The following PROC variants were observed in gnomAD, a reference collection of about 807,000 sequenced individuals.
PROC encodes protein C, inactivator of coagulation factors Va and VIIIa, also known as vitamin K-dependent protein C.
PROC carries 22 observed loss-of-function variants against 36.3 expected under a neutral mutation model. The ratio of observed to expected loss-of-function variants is 0.61; its 90% CI spans 0.43 to 0.86. The LOEUF is 0.86. PROC is among the 40% of genes least tolerant of loss of function. The pLI is 0.00. For missense variants in PROC, 526 were observed against 629.7 expected (o/e 0.84, Z 1.76); for synonymous variants, 218 against 244.5 (o/e 0.89, Z 1.01).
At position 127,427,234 on chromosome 2, in the gene PROC, A is replaced by T. The variant is rs1321946622; in HGVS notation, c.796+12A>T. 10 of 1,609,098 alleles carry T rather than the reference A, an allele frequency of 6.2e-6. No individual in the cohort carries two copies. The highest frequency in any genetic ancestry group is 8.5e-6 in the Non-Finnish European group (10 of 1,177,434). ...CCTTGTCAGGCTTGGTATGGGCTGGAGCCAGGCAGAAGGGGGCTGCCAGAG... is the reference window on the plus strand; with the variant it reads ...CCTTGTCAGGCTTGGTATGGGCTGGTGCCAGGCAGAAGGGGGCTGCCAGAG... On this transcript the variant is annotated intron_variant, in intron 8 of 8. Transcript: ENST00000234071.
At position 127,420,039 on chromosome 2, in the gene PROC, G is replaced by A. The variant is rs781692275; in HGVS notation, c.70+27G>A. The A allele has an allele frequency of 1.6e-5, 26 of 1,611,440 alleles. No individual in the cohort carries two copies. The South Asian group carries it at 2.3e-4, about 14-fold the overall frequency. ...TAAGGCCACCCCACCCCTACCCCGGGACCCTTGTGGCCTCTACAAGGCCCT... is the reference window on the plus strand; with the variant it reads ...TAAGGCCACCCCACCCCTACCCCGGAACCCTTGTGGCCTCTACAAGGCCCT... On this transcript the variant is annotated intron_variant, in intron 2 of 8. Transcript: ENST00000234071.
chr2:127,424,122 G>T (rs1029428829), intron 6 of PROC, among the ~76,000 whole-genome samples: 2 of 151,862 alleles, frequency 1.3e-5, no homozygotes, highest in African/African-American at 4.8e-5. Flanking sequence ...CCATTATTCA[G>T]ACCTCTTTCC....
In PROC at chr2:127,418,927, A is replaced by ATC. The variant is rs1274092993; in HGVS notation, c.-22+439_-22+440dup. 6.6e-6 allele frequency among the ~76,000 whole-genome samples: 1 copy of ATC among 152,274 alleles called. No homozygotes were observed. Among genetic ancestry groups the ATC allele is most frequent in the African/African-American group, 2.4e-5 (1 of 41,552 alleles). ...TCCTTGATCTCTGGCCACCAGGGCT[A>ATC]TCTCTGTGGCCTTTTGGAGCACCTG... On this transcript the variant is annotated intron_variant, in intron 1 of 8. Transcript: ENST00000234071. The surrounding 1 kb of genome is among the most constrained non-coding windows in gnomAD (Gnocchi z 4.8).
At chr2:127,423,437 A>T in intron 6 of PROC, 29 bp downstream of exon 6, 4 of 1,543,968 alleles carry the variant, frequency 2.6e-6, no homozygotes, top group Non-Finnish European at 3.5e-6. Context: ...ATCGCCCAGG[A>T]ATCACGCTGG....
chr2:127,422,974 CG>C (rs756816339), intron 4 of PROC, 33 bp downstream of exon 4: 1 of 1,611,246 alleles, frequency 6.2e-7, no homozygotes, highest in Non-Finnish European at 8.5e-7. Context: ...GCTGGACTAC[CG>C]GCGCCCGCGC....
intron 8 of PROC, 21 bp from the exon 9 acceptor site, chr2:127,428,336 A>C: frequency 6.2e-7 from 1 of 1,611,760 alleles, no homozygotes; most frequent in Non-Finnish European, 8.5e-7. Context: ...GCCCACTCTG[A>C]CTGTGCCCTC....
chr2:127,428,437 A>C lies in PROC; in HGVS notation c.877A>C (p.Lys293Gln). Residue 293 changes from lysine to glutamine, a missense_variant, in exon 9 of 9, where the codon AAG becomes CAG. Coordinates refer to ENST00000234071, the MANE Select transcript of PROC (RefSeq NM_000312.4). ...GGTCTTCGTCCACCCCAACTACAGCAAGAGCACCACCGACAATGACATCGC... is the reference window on the plus strand; with the variant it reads ...GGTCTTCGTCCACCCCAACTACAGCCAGAGCACCACCGACAATGACATCGC... Reference protein sequence around the residue: ...KEVFVHPNYSKSTTDNDIALL... With the variant: ...KEVFVHPNYSQSTTDNDIALL... 6.2e-7 allele frequency: 1 copy of C among 1,614,148 alleles called. No homozygotes were observed. Among genetic ancestry groups the C allele is most frequent in the Admixed American group, 1.7e-5 (1 of 60,030 alleles).
chr2:127,419,949 C>T lies in PROC; in HGVS notation c.7C>T (p.Gln3Ter). ...AGGTGCCAGTGCCTCCAGAATGTGG[C>T]AGCTCACAAGCCTCCTGCTGTTCGT... is the stretch of plus-strand genomic sequence containing the variant. MW[Q>*]LTSLLLFVAT... The change falls in exon 2 of 9, where the codon CAG becomes TAG. Residue 3 changes from glutamine to a stop codon, truncating the protein, a stop_gained. Transcript: ENST00000234071. LOFTEE classifies it high-confidence loss of function. 6.2e-7 allele frequency: 1 copy of T among 1,613,968 alleles called. No homozygotes were observed. The highest frequency in any genetic ancestry group is 8.5e-7 in the Non-Finnish European group (1 of 1,180,020).
rs780833999 is a variant in PROC at position 127,428,691 on chromosome 2, G to A, written c.1131G>A (p.Met377Ile). 2 of 1,613,886 alleles carry A rather than the reference G, an allele frequency of 1.2e-6. No homozygotes were observed. Among genetic ancestry groups the A allele is most frequent in the Admixed American group, 1.7e-5 (1 of 60,030 alleles). Residue 377 changes from methionine to isoleucine, a missense_variant, in exon 9 of 9, where the codon ATG becomes ATA. Met to Ile is a conservative substitution (Grantham distance 10). Coordinates refer to ENST00000234071, the MANE Select transcript of PROC (RefSeq NM_000312.4). The stretch of plus-strand genomic sequence containing the variant: ...CGCACAATGAGTGCAGCGAGGTCAT[G>A]AGCAACATGGTGTCTGAGAACATGC... ...VVPHNECSEV[M>I]SNMVSENMLC...
intron 2 of PROC, among the ~76,000 whole-genome samples, chr2:127,420,826 A>C (rs764440595): frequency 2.0e-5 from 3 of 152,182 alleles, no homozygotes; most frequent in Non-Finnish European, 4.4e-5. Context: ...GGATGTGTCA[A>C]GATGGGGCTG....
chr2:127,426,177 C>T lies in PROC; in HGVS notation c.628C>T (p.Pro210Ser), dbSNP rs1375064739. Residue 210 changes from proline to serine, a missense_variant, in exon 7 of 9, where the codon CCG becomes TCG. Coordinates refer to ENST00000234071, the MANE Select transcript of PROC (RefSeq NM_000312.4). This position sits in a 1 kb window ranked among gnomAD's most constrained non-coding sequence, Gnocchi z 7.0. ...DTEDQEDQVD[P>S]RLIDGKMTRR... ...AGAAGACCAAGAAGACCAAGTAGAT[C>T]CGCGGCTCATTGATGGGAAGATGAC... The T allele has an allele frequency of 6.2e-7, 1 of 1,614,092 alleles. No individual in the cohort carries two copies. The highest frequency in any genetic ancestry group is 1.3e-5 in the African/African-American group (1 of 75,026).
chr2:127,427,966 G>A (rs1180703084), intron 8 of PROC, among the ~76,000 whole-genome samples: 2 of 152,124 alleles, frequency 1.3e-5, no homozygotes, highest in African/African-American at 4.8e-5. Flanking sequence ...CACTGCCCCT[G>A]GGGTCTCTCC....
At chr2:127,421,577 G>C (rs946821229) in intron 3 of PROC, 128 bp downstream of exon 3, 5 of 1,073,510 alleles carry the variant, frequency 4.7e-6, no homozygotes, top group South Asian at 1.3e-5. Context: ...TGAGTGGAGC[G>C]ATTAGGATGC....
chr2:127,423,486 G>T lies in PROC; in HGVS notation c.535+78G>T, dbSNP rs367775086. ...AGGCCCCCTGACGGGGCGCGGCGCG[G>T]GGGGCTCAGGAGGGTTTCTAGGGAG... On this transcript the variant is annotated intron_variant, in intron 6 of 8. Coordinates refer to ENST00000234071, the MANE Select transcript of PROC (RefSeq NM_000312.4). The T allele has an allele frequency of 2.6e-6, 4 of 1,512,692 alleles. No individual in the cohort carries two copies. The Admixed American group carries it at 6.1e-5, about 23-fold the overall frequency. The allele number at this position is 1,512,692 out of a possible 1,614,324, so 93.7% of individuals were successfully genotyped here.
At chr2:127,427,775 A>G (rs960802774) in intron 8 of PROC, among the ~76,000 whole-genome samples, 1 of 152,222 alleles carries the variant, frequency 6.6e-6, no homozygotes, top group African/African-American at 2.4e-5. Context: ...GAAAGGCCAA[A>G]TTCACATTTC....
Position 127,427,094 on chromosome 2 carries a change from C to T in PROC, c.679-11C>T, listed in dbSNP as rs1393211725. ...GCAGCCCTGTGATGTCATCATCCCACCCCATTCCAGGTGGTCCTGCTGGAC... is the reference window on the plus strand; with the variant it reads ...GCAGCCCTGTGATGTCATCATCCCATCCCATTCCAGGTGGTCCTGCTGGAC... On this transcript the variant is annotated splice_polypyrimidine_tract_variant and intron_variant, in intron 7 of 8. Coordinates refer to ENST00000234071, the MANE Select transcript of PROC (RefSeq NM_000312.4). The T allele has an allele frequency of 1.2e-6, 2 of 1,612,008 alleles. No individual in the cohort carries two copies. Among genetic ancestry groups the T allele is most frequent in the East Asian group, 2.2e-5 (1 of 44,874 alleles).
chr2:127,423,604 G>A (rs1688279701), intron 6 of PROC, 196 bp downstream of exon 6: 26 of 716,646 alleles, frequency 3.6e-5, no homozygotes, highest in Non-Finnish European at 5.0e-5. Flanking sequence ...AGCTGGGCGC[G>A]CCCTCCGCTT....
chr2:127,426,059 C>A lies in PROC; in HGVS notation c.536-26C>A. On this transcript the variant is annotated intron_variant, in intron 6 of 8. Coordinates refer to ENST00000234071, the MANE Select transcript of PROC (RefSeq NM_000312.4). The surrounding 1 kb of genome is among the most constrained non-coding windows in gnomAD (Gnocchi z 7.0). ...AGTCTCGGGAGGAGTGCCTGGCAGG[C>A]CCCTCACCACCTCTGCCTACCTCAG... 6.2e-7 allele frequency: 1 copy of A among 1,613,704 alleles called. No individual in the cohort carries two copies.
chr2:127,426,435 G>T lies in PROC; in HGVS notation c.678+208G>T. On this transcript the variant is annotated intron_variant, in intron 7 of 8. Transcript: ENST00000234071. The surrounding 1 kb of genome is among the most constrained non-coding windows in gnomAD (Gnocchi z 7.0). ...GGGTGGGTGAGGGGAGGGGCATGGGGGCATGGAGGGGTCTGCAGGAGGGAG... is the reference window on the plus strand; with the variant it reads ...GGGTGGGTGAGGGGAGGGGCATGGGTGCATGGAGGGGTCTGCAGGAGGGAG... The T allele has an allele frequency of 1.6e-6, 1 of 640,372 alleles. No homozygotes were observed. The highest frequency in any genetic ancestry group is 2.7e-6 in the Non-Finnish European group (1 of 369,068). 39.7% of individuals were successfully genotyped at this position (640,372 alleles called of 1,614,324 possible).
Sources: gnomAD v4.1 joint callset for allele counts (sites outside exome capture counted in the v4.1 genomes callset) on GRCh38, gnomAD v4.1.1 for gene constraint, Gnocchi (gnomAD v3.1) non-coding constraint, MANE v1.5 for transcripts, NCBI Gene and HGNC (gene_info 2026-07-23, HGNC 2026-07-21) for gene names.